Variants in CNTNAP5 observed in about 807,000 individuals in gnomAD.
CNTNAP5 encodes contactin associated protein family member 5, also known as contactin-associated protein-like 5.
CNTNAP5 carries 72 observed loss-of-function variants against 150.2 expected under a neutral mutation model. The ratio of observed to expected loss-of-function variants is 0.48; its 90% confidence interval spans 0.40 to 0.58. The LOEUF is 0.58. Ranked by LOEUF, CNTNAP5 falls within the 20% of genes least tolerant of loss-of-function variation. CNTNAP5 has a pLI of 0.00. For missense variants in CNTNAP5, 1,636 were observed against 1,626.2 expected, an observed-to-expected ratio of 1.01 and a Z score of -0.10; for synonymous variants, 672 against 619.8, an observed-to-expected ratio of 1.08 and a Z score of -1.25.
At chr2:124,491,761 T>A (rs925874619) in intron 7 of CNTNAP5, among the ~76,000 whole-genome samples, 4 of 152,070 alleles carry the variant, frequency 2.6e-5, no homozygotes, top group African/African-American at 9.7e-5. Flanking sequence ...GTACCTTTTT[T>A]TTTTTCTTTT....
chr2:124,193,089 T>C (rs192606266), intron 1 of CNTNAP5, among the ~76,000 whole-genome samples: 1 of 152,208 alleles, frequency 6.6e-6, no homozygotes, highest in Non-Finnish European at 1.5e-5. Flanking sequence ...GGTCATCACA[T>C]AACATTCTTC....
chr2:124,789,851 T>G, intron 17 of CNTNAP5, 51 bp from the exon 18 acceptor site: 1 of 1,568,848 alleles, frequency 6.4e-7, no homozygotes, highest in Non-Finnish European at 8.7e-7. Context: ...AACCTAAATG[T>G]ATTGAGCCCT....
At chr2:124,310,859 A>G (rs1271670341) in intron 3 of CNTNAP5, among the ~76,000 whole-genome samples, 1 of 152,208 alleles carries the variant, frequency 6.6e-6, no homozygotes, top group Non-Finnish European at 1.5e-5. Flanking sequence ...GGAGACCCAC[A>G]TAGGTTTAAG....
At chr2:124,337,727 G>A (rs980849661) in intron 3 of CNTNAP5, among the ~76,000 whole-genome samples, 8 of 152,114 alleles carry the variant, frequency 5.3e-5, no homozygotes, top group South Asian at 2.1e-4. Context: ...TGTTCCATTG[G>A]TCTATATCTC....
chr2:124,150,388 G>A (rs1473509853), intron 1 of CNTNAP5, among the ~76,000 whole-genome samples: 1 of 152,138 alleles, frequency 6.6e-6, no homozygotes, highest in Non-Finnish European at 1.5e-5. Context: ...ATCTAGGCTG[G>A]TAACTTATAA....
intron 1 of CNTNAP5, among the ~76,000 whole-genome samples, chr2:124,041,169 G>A (rs965801886): frequency 2.6e-5 from 4 of 152,098 alleles, no homozygotes; most frequent in African/African-American, 9.7e-5. Flanking sequence ...TCAATCCTAG[G>A]GGAGAATGCA....
At chr2:124,726,641 C>CA (rs35201874) in intron 13 of CNTNAP5, among the ~76,000 whole-genome samples, 25,344 of 151,004 alleles carry the variant, frequency 0.17, 2,201 homozygotes, top group South Asian at 0.22. Context: ...ACGTCTTCTT[C>CA]AAAAAAAAGT....
chr2:124,458,969 A>G (rs1296124870), intron 6 of CNTNAP5, among the ~76,000 whole-genome samples: 2 of 152,198 alleles, frequency 1.3e-5, no homozygotes, highest in African/African-American at 4.8e-5. Flanking sequence ...TGGCACTATA[A>G]TTAATAATAT....
chr2:124,096,309 A>C (rs1423338442), intron 1 of CNTNAP5, among the ~76,000 whole-genome samples: 1 of 152,204 alleles, frequency 6.6e-6, no homozygotes, highest in East Asian at 1.9e-4. Flanking sequence ...TTATAGAAAC[A>C]TATGGGAGCC....
chr2:124,070,936 C>A (rs905892929), intron 1 of CNTNAP5, among the ~76,000 whole-genome samples: 1 of 151,880 alleles, frequency 6.6e-6, no homozygotes, highest in East Asian at 1.9e-4. Context: ...CAAGGATAGA[C>A]CATATAGTAG....
intron 3 of CNTNAP5, among the ~76,000 whole-genome samples, chr2:124,390,539 G>A (rs1319597243): frequency 6.6e-6 from 1 of 152,246 alleles, no homozygotes; most frequent in Admixed American, 6.5e-5. Context: ...AGCATGTGTA[G>A]AGTACACAAA....
At chr2:124,802,356 T>G (rs1296275482) in intron 19 of CNTNAP5, among the ~76,000 whole-genome samples, 1 of 152,220 alleles carries the variant, frequency 6.6e-6, no homozygotes, top group East Asian at 1.9e-4. Flanking sequence ...TTATCATTAT[T>G]CTTGAAATTT....
intron 2 of CNTNAP5, among the ~76,000 whole-genome samples, chr2:124,229,134 T>C (rs1402982478): frequency 6.6e-6 from 1 of 152,096 alleles, no homozygotes; most frequent in Non-Finnish European, 1.5e-5. Flanking sequence ...ACTGATCAGT[T>C]TGCCATAGCA....
At chr2:124,113,673 T>C (rs1683356047) in intron 1 of CNTNAP5, among the ~76,000 whole-genome samples, 1 of 151,994 alleles carries the variant, frequency 6.6e-6, no homozygotes, top group South Asian at 2.1e-4. Flanking sequence ...TTAATTTTAC[T>C]AATCTAATTC....
chr2:124,245,806 C>A (rs967974634), intron 3 of CNTNAP5, among the ~76,000 whole-genome samples: 7 of 151,908 alleles, frequency 4.6e-5, no homozygotes, highest in African/African-American at 1.7e-4. Context: ...TCATAGCTGA[C>A]TGTAGTTTTG....
chr2:124,355,480 G>A (rs1366297448), intron 3 of CNTNAP5, among the ~76,000 whole-genome samples: 2 of 152,126 alleles, frequency 1.3e-5, no homozygotes, highest in Admixed American at 6.6e-5. Flanking sequence ...CTCCCAAGCA[G>A]CAGGCACCCT....
chr2:124,755,930 G>C (rs893417667), intron 14 of CNTNAP5, among the ~76,000 whole-genome samples: 12 of 152,222 alleles, frequency 7.9e-5, no homozygotes, highest in African/African-American at 2.6e-4. Flanking sequence ...TAACTAGAAA[G>C]CCTAAGTCAT....
chr2:124,347,587 G>A (rs1573931595), intron 3 of CNTNAP5, among the ~76,000 whole-genome samples: 2 of 152,122 alleles, frequency 1.3e-5, no homozygotes, highest in East Asian at 3.9e-4. Flanking sequence ...TCCAGGGTGC[G>A]CTCCTATGAT....
chr2:124,591,671 T>C (rs1275123980), intron 11 of CNTNAP5, among the ~76,000 whole-genome samples: 4 of 152,148 alleles, frequency 2.6e-5, no homozygotes, highest in East Asian at 1.9e-4. Flanking sequence ...CCTGCACTCA[T>C]ATAGTGAACA....
Sources: gnomAD v4.1 joint callset for allele counts (sites outside exome capture counted in the v4.1 genomes callset) on GRCh38, gnomAD v4.1.1 for gene constraint, MANE v1.5 for transcripts, NCBI Gene and HGNC (gene_info 2026-07-23, HGNC 2026-07-21) for gene names.